OSBPL1A: variants seen among roughly 807,000 people sequenced by gnomAD.
OSBPL1A encodes the protein oxysterol binding protein like 1A, also known as oxysterol-binding protein-related protein 1.
In OSBPL1A, 80 loss-of-function variants were observed where a neutral mutation model predicts 137.1. The ratio of observed to expected loss-of-function variants is 0.58; its 90% CI spans 0.49 to 0.70. The LOEUF (loss-of-function observed/expected upper bound fraction) is 0.70. OSBPL1A is among the 30% of genes least tolerant of loss of function. The pLI, the probability that OSBPL1A is intolerant of heterozygous loss-of-function variation, is 0.00. For synonymous variants in OSBPL1A, 365 were observed against 389.7 expected (o/e 0.94, Z 0.75); for missense variants, 970 against 1,129.4 (o/e 0.86, Z 2.02).
At chr18:24,322,289 G>GT (rs370119810) in intron 7 of OSBPL1A, among the ~76,000 whole-genome samples, 2,613 of 140,824 alleles carry the variant, frequency 0.019, 68 homozygotes, top group African/African-American at 0.059. Flanking sequence ...TTTTGTATTT[G>GT]TTTTTTTTTT....
chr18:24,377,156 T>C (rs1029003794), intron 2 of OSBPL1A, among the ~76,000 whole-genome samples: 29 of 152,216 alleles, frequency 1.9e-4, no homozygotes, highest in Non-Finnish European at 7.3e-5. Flanking sequence ...CTCAATAGGA[T>C]GTATCCTGTG....
intron 16 of OSBPL1A, among the ~76,000 whole-genome samples, chr18:24,233,066 C>T (rs2088331726): frequency 1.3e-5 from 2 of 152,306 alleles, no homozygotes; most frequent in South Asian, 2.1e-4. Context: ...GGAAAATGAA[C>T]ACACAGTAAG....
At chr18:24,224,056 G>A (rs995696806) in intron 17 of OSBPL1A, among the ~76,000 whole-genome samples, 2 of 152,108 alleles carry the variant, frequency 1.3e-5, no homozygotes, top group African/African-American at 4.8e-5. Flanking sequence ...AAGCATGTTT[G>A]GAGGACAACC....
At chr18:24,209,365 G>T (rs2087467695) in intron 17 of OSBPL1A, among the ~76,000 whole-genome samples, 1 of 152,110 alleles carries the variant, frequency 6.6e-6, no homozygotes, top group South Asian at 2.1e-4. Flanking sequence ...ACAGAACAAG[G>T]TACCATGTCA....
At chr18:24,390,342 C>T (rs1448318087) in intron 1 of OSBPL1A, among the ~76,000 whole-genome samples, 2 of 152,138 alleles carry the variant, frequency 1.3e-5, no homozygotes, top group South Asian at 2.1e-4. Context: ...CCTAAACGTC[C>T]ATTGACAGAT....
At chr18:24,293,122 AAAAAAAG>A (rs1188737441) in intron 14 of OSBPL1A, among the ~76,000 whole-genome samples, 17 of 84,412 alleles carry the variant, frequency 2.0e-4, no homozygotes, top group African/African-American at 5.9e-4. Context: ...AAAAAAAAAA[AAAAAAAG>A]AAAAGAAAAG....
Position 24,346,673 on chromosome 18 carries a change from T to C in OSBPL1A, c.283-5015A>G, listed in dbSNP as rs1025189458. On this transcript the variant is annotated intron_variant, in intron 4 of 27. Coordinates refer to ENST00000319481, the MANE Select transcript of OSBPL1A (RefSeq NM_080597.4). ...CTCTTGATTTCTGAATAATACTCCA[T>C]TGCATGACTATACCACATGTTTATC... Among the ~76,000 whole-genome samples, 6 of 152,346 alleles carry C rather than the reference T, an allele frequency of 3.9e-5. No individual in the cohort carries two copies. The South Asian group carries it at 1.0e-3, about 26-fold the overall frequency.
chr18:24,272,166 G>A, intron 15 of OSBPL1A: 2 of 983,874 alleles, frequency 2.0e-6, no homozygotes, highest in Non-Finnish European at 2.4e-6. Flanking sequence ...TGAGTGCCGC[G>A]CCGAGGCGCC....
chr18:24,178,146 G>A lies in OSBPL1A; in HGVS notation c.1960C>T (p.Pro654Ser). 1 of 1,612,860 alleles carries A rather than the reference G, an allele frequency of 6.2e-7. No homozygotes were observed. ...LISEQVSHHPPISAFHAEGLN... is the reference protein window; with the variant it reads ...LISEQVSHHPSISAFHAEGLN... ...CCTTCAGCATGAAATGCACTGATTG[G>A]TGGGTGATGGCTGACCTGTTCGGAG... The change falls in exon 21 of 28, where the codon CCA becomes TCA. Residue 654 changes from proline to serine, a missense_variant. Around this residue, in one of 2 missense-constraint regions of OSBPL1A, gnomAD observed 323 missense variants for 456.8 expected, o/e 0.71. Coordinates refer to ENST00000319481, the MANE Select transcript of OSBPL1A (RefSeq NM_080597.4).
intron 18 of OSBPL1A, among the ~76,000 whole-genome samples, chr18:24,188,129 A>G (rs1198935443): frequency 3.9e-5 from 6 of 152,264 alleles, no homozygotes; most frequent in Admixed American, 3.9e-4. Context: ...AGGAAGGAAT[A>G]GATGGACCAG....
At position 24,167,808 on chromosome 18, in the gene OSBPL1A, T is replaced by C. The variant is rs138987883; in HGVS notation, c.2419-363A>G. 1.1e-3 allele frequency among the ~76,000 whole-genome samples: 171 copies of C among 152,366 alleles called. 3 individuals carry two copies. The East Asian group carries it at 0.031, about 27-fold the overall frequency. On this transcript the variant is annotated intron_variant, in intron 24 of 27. Transcript: ENST00000319481. ...ATATCCCTGTCCTTAGGAAAATACA[T>C]ATACACTTACAAATTGTAAATCATC...
In OSBPL1A at chr18:24,169,477, T is replaced by C. The variant is rs185059237; in HGVS notation, c.2418+850A>G. Among the ~76,000 whole-genome samples the C allele has an allele frequency of 2.2e-4, 33 of 152,342 alleles. No individual in the cohort carries two copies. In the East Asian group the frequency reaches 6.4e-3, roughly 29 times the overall value. ...TTGGCAGAAATGACTTTATCAGTCT[T>C]TACTATGAGCAGATACTATTCTGAG... is the stretch of plus-strand genomic sequence containing the variant. On this transcript the variant is annotated intron_variant, in intron 24 of 27. Coordinates refer to ENST00000319481, the MANE Select transcript of OSBPL1A (RefSeq NM_080597.4).
intron 1 of OSBPL1A, among the ~76,000 whole-genome samples, chr18:24,386,703 T>C (rs1431697311): frequency 6.6e-6 from 1 of 152,172 alleles, no homozygotes; most frequent in Admixed American, 6.5e-5. Context: ...CTCATGTTTG[T>C]AATCCCAGCA....
At chr18:24,370,756 C>T (rs1178093228) in intron 2 of OSBPL1A, among the ~76,000 whole-genome samples, 3 of 152,322 alleles carry the variant, frequency 2.0e-5, no homozygotes, top group South Asian at 4.1e-4. Flanking sequence ...CAGCCTTTAC[C>T]TCCTGGGCTC....
chr18:24,239,424 G>A lies in OSBPL1A; in HGVS notation c.1282-42C>T, dbSNP rs1223965770. 7 of 1,557,548 alleles carry A rather than the reference G, an allele frequency of 4.5e-6. No homozygotes were observed. The East Asian group carries it at 6.8e-5, about 15-fold the overall frequency. On this transcript the variant is annotated intron_variant, in intron 15 of 27. Transcript: ENST00000319481. ...ATACAGAAAAGACTTCAGAGTGACA[G>A]GAGACACAGACGTACTCAGAGGATG...
At chr18:24,219,664 A>G (rs186057560) in intron 17 of OSBPL1A, among the ~76,000 whole-genome samples, 19 of 152,188 alleles carry the variant, frequency 1.2e-4, no homozygotes, top group Non-Finnish European at 1.8e-4. Flanking sequence ...ATTTGCTTAG[A>G]AAATGCTAGA....
chr18:24,247,861 G>C (rs1014929151), intron 15 of OSBPL1A, among the ~76,000 whole-genome samples: 2 of 152,160 alleles, frequency 1.3e-5, no homozygotes, highest in East Asian at 3.9e-4. Context: ...CAAAAAAGGA[G>C]GAGAAAGGTA....
At position 24,308,692 on chromosome 18, in the gene OSBPL1A, G is replaced by A. The variant is rs142852437; in HGVS notation, c.1092+3292C>T. Among the ~76,000 whole-genome samples, 1,338 of 152,262 alleles carry A rather than the reference G, an allele frequency of 8.8e-3. 11 individuals carry two copies. The highest frequency in any genetic ancestry group is 0.03 in the African/African-American group (1,239 of 41,540). On this transcript the variant is annotated intron_variant, in intron 13 of 27. Transcript: ENST00000319481. ...GAAATATTCTATATCTTCGCTGTCC[G>A]TTGTGGTAGCCACATGTGGCTACTG...
intron 16 of OSBPL1A, among the ~76,000 whole-genome samples, chr18:24,232,077 C>T (rs1482106922): frequency 6.6e-6 from 1 of 152,144 alleles, no homozygotes; most frequent in East Asian, 1.9e-4. Context: ...TTCCCACGTA[C>T]CAGGCATGTT....
Sources: allele counts gnomAD v4.1 joint callset (sites outside exome capture counted in the v4.1 genomes callset), GRCh38; gene constraint gnomAD v4.1.1; regional missense constraint gnomAD v4.1.1; transcripts MANE v1.5; gene names NCBI Gene and HGNC (gene_info 2026-07-23, HGNC 2026-07-21).